NELL1: variants seen among roughly 807,000 people sequenced by gnomAD.
The protein encoded by NELL1 is neural EGFL like 1, also known as protein kinase C-binding protein NELL1.
Under a neutral mutation model 107.4 loss-of-function variants are expected in NELL1, and 76 were observed. The ratio of observed to expected loss-of-function variants is 0.71; its 90% CI spans 0.59 to 0.86. The LOEUF is 0.86. Ranked by LOEUF, NELL1 falls within the 40% of genes least tolerant of loss-of-function variation. The pLI is 0.00. For synonymous variants in NELL1, 353 were observed against 341.2 expected, an observed-to-expected ratio of 1.03 and a Z score of -0.38; for missense variants, 1,024 against 1,005.5, an observed-to-expected ratio of 1.02 and a Z score of -0.25.
chr11:21,405,454 A>G (rs1455628450), intron 15 of NELL1, among the ~76,000 whole-genome samples: 1 of 152,046 alleles, frequency 6.6e-6, no homozygotes, highest in Non-Finnish European at 1.5e-5. Context: ...CTAACAGAAT[A>G]CAAATGGCTG....
chr11:21,547,093 A>T (rs143724474), intron 16 of NELL1, among the ~76,000 whole-genome samples: 1,691 of 152,006 alleles, frequency 0.011, 35 homozygotes, highest in Non-Finnish European at 9.4e-3. Context: ...GACCAGCTAC[A>T]TTATAAATCA....
At chr11:20,872,571 G>A (rs2134089541) in intron 4 of NELL1, among the ~76,000 whole-genome samples, 1 of 152,132 alleles carries the variant, frequency 6.6e-6, no homozygotes, top group East Asian at 1.9e-4. Flanking sequence ...GTAAAGTTTG[G>A]GAATTGCCAA....
chr11:21,376,876 T>C (rs1851493615), intron 15 of NELL1, among the ~76,000 whole-genome samples: 1 of 152,172 alleles, frequency 6.6e-6, no homozygotes, highest in Admixed American at 6.6e-5. Flanking sequence ...GAAATGATAC[T>C]AATTTTTATA....
At chr11:21,276,462 G>T (rs1467678149) in intron 14 of NELL1, among the ~76,000 whole-genome samples, 1 of 152,108 alleles carries the variant, frequency 6.6e-6, no homozygotes, top group Admixed American at 6.5e-5. Flanking sequence ...CGTGAAAATG[G>T]CCATACTGCC....
At chr11:20,903,664 T>C (rs375197533) in intron 5 of NELL1, among the ~76,000 whole-genome samples, 4 of 152,112 alleles carry the variant, frequency 2.6e-5, no homozygotes, top group African/African-American at 9.7e-5. Flanking sequence ...TTAGATTAGT[T>C]GTTCTCTAAC....
intron 14 of NELL1, among the ~76,000 whole-genome samples, chr11:21,327,541 T>C (rs1850173778): frequency 6.6e-6 from 1 of 152,138 alleles, no homozygotes; most frequent in Non-Finnish European, 1.5e-5. Context: ...CTCCAGTGTG[T>C]CTTTCTTAGC....
intron 15 of NELL1, among the ~76,000 whole-genome samples, chr11:21,404,120 G>C (rs1332621229): frequency 2.0e-5 from 3 of 147,066 alleles, no homozygotes; most frequent in Non-Finnish European, 4.5e-5. Context: ...TGACAGTCAA[G>C]CAACTTTGTG....
chr11:21,296,545 A>G (rs1214941385), intron 14 of NELL1, among the ~76,000 whole-genome samples: 1 of 152,022 alleles, frequency 6.6e-6, no homozygotes, highest in Non-Finnish European at 1.5e-5. Flanking sequence ...TAACCATACA[A>G]AACACTTAAT....
At chr11:20,902,530 G>A (rs1166867562) in intron 5 of NELL1, among the ~76,000 whole-genome samples, 3 of 152,070 alleles carry the variant, frequency 2.0e-5, no homozygotes, top group African/African-American at 7.2e-5. Context: ...TTGGAAACTT[G>A]AATTGGTGGA....
intron 5 of NELL1, among the ~76,000 whole-genome samples, chr11:20,890,367 C>T (rs1849593666): frequency 6.6e-6 from 1 of 152,102 alleles, no homozygotes; most frequent in African/African-American, 2.4e-5. Context: ...GGTCAGCAGC[C>T]TCAAAGACTG....
At chr11:21,128,218 G>T (rs1316741798) in intron 13 of NELL1, among the ~76,000 whole-genome samples, 1 of 152,168 alleles carries the variant, frequency 6.6e-6, no homozygotes, top group Non-Finnish European at 1.5e-5. Context: ...TTACAGAAAA[G>T]CACGTTGTAA....
chr11:21,306,431 C>T (rs1849606090), intron 14 of NELL1, among the ~76,000 whole-genome samples: 1 of 151,976 alleles, frequency 6.6e-6, no homozygotes, highest in South Asian at 2.1e-4. Flanking sequence ...GCACAAGCAC[C>T]TCTTTTCTGA....
chr11:21,109,054 T>C (rs922057198), intron 12 of NELL1, among the ~76,000 whole-genome samples: 4 of 152,046 alleles, frequency 2.6e-5, no homozygotes, highest in African/African-American at 9.7e-5. Flanking sequence ...AGACCCAGGT[T>C]TCTATGCTTA....
At chr11:21,448,384 C>T (rs1284187919) in intron 15 of NELL1, among the ~76,000 whole-genome samples, 1 of 152,050 alleles carries the variant, frequency 6.6e-6, no homozygotes, top group East Asian at 1.9e-4. Flanking sequence ...TTTTGTTCTA[C>T]CCAGTGATTC....
chr11:20,995,978 A>G (rs1852082807), intron 12 of NELL1, among the ~76,000 whole-genome samples: 1 of 152,226 alleles, frequency 6.6e-6, no homozygotes, highest in Non-Finnish European at 1.5e-5. Context: ...AAAGAAGAGA[A>G]ACATTTTGTG....
chr11:20,755,487 C>T (rs1393961047), intron 2 of NELL1, among the ~76,000 whole-genome samples: 2 of 150,970 alleles, frequency 1.3e-5, no homozygotes, highest in Non-Finnish European at 2.9e-5. Flanking sequence ...AGCTGTACAA[C>T]AACAAGCCAA....
chr11:21,022,811 T>C (rs1004032389), intron 12 of NELL1, among the ~76,000 whole-genome samples: 3 of 152,152 alleles, frequency 2.0e-5, no homozygotes, highest in Admixed American at 6.6e-5. Flanking sequence ...AGATTATGTA[T>C]GTATAGTATG....
At position 21,509,913 on chromosome 11, in the gene NELL1, T is replaced by C. The variant is rs181204261; in HGVS notation, c.1646-24461T>C. On this transcript the variant is annotated intron_variant, in intron 15 of 19. Coordinates refer to ENST00000357134, the MANE Select transcript of NELL1 (RefSeq NM_006157.5). ...GTATTATCATTGCCCTGATGATGAT[T>C]AAAATTAATCCCAAACTGCAGAGGA... Among the ~76,000 whole-genome samples, 348 of 152,308 alleles carry C rather than the reference T, an allele frequency of 2.3e-3. 4 individuals are homozygous for C. The highest frequency in any genetic ancestry group is 8.0e-3 in the African/African-American group (332 of 41,576).
At chr11:21,535,139 T>C (rs1352728078) in intron 16 of NELL1, among the ~76,000 whole-genome samples, 1 of 152,200 alleles carries the variant, frequency 6.6e-6, no homozygotes, top group Non-Finnish European at 1.5e-5. Flanking sequence ...GGGTCTCTTC[T>C]TGTGGTTCTG....
Sources: gnomAD v4.1 joint callset for allele counts (sites outside exome capture counted in the v4.1 genomes callset) on GRCh38, gnomAD v4.1.1 for gene constraint, MANE v1.5 for transcripts, NCBI Gene and HGNC (gene_info 2026-07-23, HGNC 2026-07-21) for gene names.